MACROD2: variants seen among roughly 807,000 people sequenced by gnomAD.
The protein encoded by MACROD2 is ADP-ribose glycohydrolase MACROD2.
MACROD2 carries 36 observed loss-of-function variants against 70.4 expected under a neutral mutation model. That is an observed-to-expected ratio of 0.51 (90% CI 0.39 to 0.68). The LOEUF is 0.68. MACROD2 is among the 30% of genes least tolerant of loss of function. MACROD2 has a pLI of 0.00. For missense variants in MACROD2, 496 were observed against 538.4 expected, an observed-to-expected ratio of 0.92 and a Z score of 0.78; for synonymous variants, 172 against 178.8, an observed-to-expected ratio of 0.96 and a Z score of 0.30.
At chr20:14,212,958 G>A (rs2081582604) in intron 3 of MACROD2, among the ~76,000 whole-genome samples, 1 of 151,706 alleles carries the variant, frequency 6.6e-6, no homozygotes, top group Non-Finnish European at 1.5e-5. Flanking sequence ...TGTGATAACC[G>A]TGGCTGAGTA....
intron 3 of MACROD2, among the ~76,000 whole-genome samples, chr20:14,149,210 A>G (rs1324405148): frequency 6.9e-6 from 1 of 144,960 alleles, no homozygotes; most frequent in Non-Finnish European, 1.5e-5. Context: ...TTTTTTGAGT[A>G]CCCAATGTTT....
intron 3 of MACROD2, among the ~76,000 whole-genome samples, chr20:14,205,823 G>A (rs186866101): frequency 1.3e-5 from 2 of 152,118 alleles, no homozygotes; most frequent in Non-Finnish European, 2.9e-5. Flanking sequence ...TTGCCTCTCT[G>A]CTATAGATCT....
intron 6 of MACROD2, among the ~76,000 whole-genome samples, chr20:15,339,339 T>C (rs2078082687): frequency 6.6e-6 from 1 of 151,774 alleles, no homozygotes; most frequent in Non-Finnish European, 1.5e-5. Context: ...GACAGGTGGA[T>C]TGCCACTTTG....
At chr20:14,478,844 T>TCAG in intron 3 of MACROD2, among the ~76,000 whole-genome samples, 1 of 152,146 alleles carries the variant, frequency 6.6e-6, no homozygotes, top group South Asian at 2.1e-4. Flanking sequence ...TTTGGTCTTA[T>TCAG]TTTGGTGGGC....
chr20:15,481,685 T>TAA (rs571250513), intron 7 of MACROD2, among the ~76,000 whole-genome samples: 4 of 145,224 alleles, frequency 2.8e-5, no homozygotes, highest in African/African-American at 1.0e-4. Flanking sequence ...AAATAAACAT[T>TAA]AAAAAAAAAA....
At chr20:15,981,392 G>A (rs112056621) in intron 13 of MACROD2, among the ~76,000 whole-genome samples, 29 of 152,082 alleles carry the variant, frequency 1.9e-4, no homozygotes, top group African/African-American at 6.5e-4. Flanking sequence ...TCCTGTTTTT[G>A]TTGTTGTTGT....
intron 8 of MACROD2, among the ~76,000 whole-genome samples, chr20:15,639,749 A>G (rs1351553040): frequency 2.0e-5 from 3 of 152,178 alleles, no homozygotes; most frequent in Non-Finnish European, 2.9e-5. Context: ...GTGGGACCTC[A>G]AGCCTCTTTC....
At chr20:15,288,863 G>A (rs981310610) in intron 6 of MACROD2, among the ~76,000 whole-genome samples, 28 of 132,392 alleles carry the variant, frequency 2.1e-4, no homozygotes, top group African/African-American at 7.7e-4. Context: ...ATGTCTGTCT[G>A]TCTGTCTATC....
At chr20:14,207,587 A>T (rs1359011296) in intron 3 of MACROD2, among the ~76,000 whole-genome samples, 1 of 152,206 alleles carries the variant, frequency 6.6e-6, no homozygotes, top group Non-Finnish European at 1.5e-5. Context: ...GAATTCTGTG[A>T]GGAATTCCTT....
chr20:15,356,277 G>T (rs1600285591), intron 6 of MACROD2, among the ~76,000 whole-genome samples: 1 of 152,188 alleles, frequency 6.6e-6, no homozygotes, highest in African/African-American at 2.4e-5. Flanking sequence ...ATTGCTGAGA[G>T]AATAAGATGT....
At chr20:14,475,581 A>G (rs1253792866) in intron 3 of MACROD2, among the ~76,000 whole-genome samples, 1 of 151,110 alleles carries the variant, frequency 6.6e-6, no homozygotes, top group Non-Finnish European at 1.5e-5. Context: ...TTTTTTTTTT[A>G]AGAACAGGTC....
chr20:14,581,918 C>T (rs1443149485), intron 4 of MACROD2, among the ~76,000 whole-genome samples: 1 of 152,188 alleles, frequency 6.6e-6, no homozygotes, highest in Non-Finnish European at 1.5e-5. Context: ...GGAGCATGCT[C>T]TTCTTTCTAT....
At chr20:14,199,723 A>C (rs2081463200) in intron 3 of MACROD2, among the ~76,000 whole-genome samples, 1 of 152,194 alleles carries the variant, frequency 6.6e-6, no homozygotes, top group African/African-American at 2.4e-5. Flanking sequence ...ATAATTTTAC[A>C]GTAATAATTA....
intron 5 of MACROD2, among the ~76,000 whole-genome samples, chr20:15,077,388 G>GA (rs1012874082): frequency 6.6e-6 from 1 of 151,994 alleles, no homozygotes; most frequent in Non-Finnish European, 1.5e-5. Context: ...AATGAGTAGG[G>GA]AAAAAAAGTT....
intron 8 of MACROD2, among the ~76,000 whole-genome samples, chr20:15,743,784 C>T (rs773893192): frequency 2.2e-4 from 34 of 152,174 alleles, no homozygotes; most frequent in Non-Finnish European, 4.6e-4. Context: ...TAATTGCTTC[C>T]ATCTCTGAAT....
At chr20:14,211,170 G>A (rs1159922384) in intron 3 of MACROD2, among the ~76,000 whole-genome samples, 1 of 152,128 alleles carries the variant, frequency 6.6e-6, no homozygotes, top group Non-Finnish European at 1.5e-5. Flanking sequence ...AAAGTAATTG[G>A]GCAAAGAAGA....
intron 8 of MACROD2, among the ~76,000 whole-genome samples, chr20:15,658,890 C>G (rs2049774361): frequency 6.6e-6 from 1 of 152,162 alleles, no homozygotes; most frequent in South Asian, 2.1e-4. Flanking sequence ...ACAATACTGT[C>G]AAGATCTTAC....
chr20:15,444,071 C>T (rs536892966), intron 7 of MACROD2, among the ~76,000 whole-genome samples: 30 of 152,254 alleles, frequency 2.0e-4, no homozygotes, highest in Admixed American at 5.2e-4. Flanking sequence ...GCTGTCACTC[C>T]GTCCCCTCTC....
At chr20:15,473,237 G>A (rs2046982643) in intron 7 of MACROD2, among the ~76,000 whole-genome samples, 1 of 152,296 alleles carries the variant, frequency 6.6e-6, no homozygotes, top group South Asian at 2.1e-4. Flanking sequence ...CCTTAACAGT[G>A]TGTTTGGCCC....
Sources: allele counts gnomAD v4.1 joint callset (sites outside exome capture counted in the v4.1 genomes callset), GRCh38; gene constraint gnomAD v4.1.1; transcripts MANE v1.5; gene names NCBI Gene and HGNC (gene_info 2026-07-23, HGNC 2026-07-21).